The following SLC25A4 variants were observed in gnomAD, a reference collection of about 807,000 sequenced individuals.
The protein encoded by SLC25A4 is ADP/ATP translocase 1.
SLC25A4 carries 10 observed loss-of-function variants against 24.7 expected under a neutral mutation model. That is an observed-to-expected ratio of 0.41 (90% confidence interval 0.25 to 0.69). SLC25A4 has a LOEUF of 0.69. Among genes scored for constraint, SLC25A4 ranks in the 30% least tolerant of loss-of-function variants. The pLI is 0.35. For missense variants in SLC25A4, 273 were observed against 387.6 expected, an observed-to-expected ratio of 0.70 and a Z score of 2.48; for synonymous variants, 125 against 153.3, an observed-to-expected ratio of 0.82 and a Z score of 1.36.
At position 185,145,011 on chromosome 4, in the gene SLC25A4, G is replaced by A. The variant is rs746131481; in HGVS notation, c.359G>A (p.Gly120Asp). Residue 120 changes from glycine (G) to aspartate (D), a missense_variant, in exon 2 of 4, where the codon GGT (glycine) becomes GAT (aspartate). Gly to Asp is a moderately conservative substitution (Grantham distance 94). Transcript: ENST00000281456. This position sits in a 1 kb window ranked among gnomAD's most constrained non-coding sequence, Gnocchi z 5.5. ...WRYFAGNLAS[G>D]GAAGATSLCF... ...TACTTTGCTGGTAACCTGGCGTCCG[G>A]TGGGGCCGCTGGGGCCACCTCCCTT... The A allele has an allele frequency of 3.7e-6, 6 of 1,614,232 alleles. No individual in the cohort carries two copies. Among genetic ancestry groups the A allele is most frequent in the Non-Finnish European group, 5.1e-6 (6 of 1,180,042 alleles).
At position 185,143,433 on chromosome 4, in the gene SLC25A4, G is replaced by C; in HGVS notation, c.61G>C (p.Val21Leu). The stretch of plus-strand genomic sequence containing the variant: ...CCTGGCCGGGGGCGTCGCCGCTGCC[G>C]TCTCCAAGACCGCGGTCGCCCCCAT... ...DFLAGGVAAAVSKTAVAPIER... is the reference protein window; with the variant it reads ...DFLAGGVAAALSKTAVAPIER... The change falls in exon 1 of 4, where the codon GTC becomes CTC. Residue 21 changes from valine to leucine, a missense_variant. By Grantham distance (32) the Val-to-Leu change is conservative (BLOSUM62 1). Coordinates refer to ENST00000281456, the MANE Select transcript of SLC25A4 (RefSeq NM_001151.4). 6.6e-7 allele frequency: 1 copy of C among 1,519,104 alleles called. No homozygotes were observed. Among genetic ancestry groups the C allele is most frequent in the Non-Finnish European group, 8.8e-7 (1 of 1,130,638 alleles). The allele number at this position is 1,519,104 out of a possible 1,614,324, so 94.1% of individuals were successfully genotyped here.
At chr4:185,144,674 T>A in intron 1 of SLC25A4, 90 bp from the exon 2 acceptor site, 2 of 1,260,162 alleles carry the variant, frequency 1.6e-6, no homozygotes, top group Non-Finnish European at 2.3e-6. Context: ...AAAAAAAAAA[T>A]CTAGGAAGTG....
Position 185,144,981 on chromosome 4 carries a change from G to A in SLC25A4, c.329G>A (p.Trp110Ter). The A allele has an allele frequency of 6.2e-7, 1 of 1,613,150 alleles. No homozygotes were observed. The highest frequency in any genetic ancestry group is 8.5e-7 in the Non-Finnish European group (1 of 1,179,654). ...GGTGTGGATCGGCATAAGCAGTTCTGGCGCTACTTTGCTGGTAACCTGGCG... is the reference window on the plus strand; with the variant it reads ...GGTGTGGATCGGCATAAGCAGTTCTAGCGCTACTTTGCTGGTAACCTGGCG... ...LGGVDRHKQF[W>*]RYFAGNLASG... The change falls in exon 2 of 4, where the codon TGG becomes TAG. Residue 110 changes from tryptophan (W) to a stop codon, truncating the protein, a stop_gained. Coordinates refer to ENST00000281456, the MANE Select transcript of SLC25A4 (RefSeq NM_001151.4). LOFTEE classifies it high-confidence loss of function.
In SLC25A4 at chr4:185,145,992, A is replaced by G; in HGVS notation, c.739+93A>G. ...TTTCAGTCTTCCTTACTGGAAATTA[A>G]TTTTCAAAATTATTTGATAAGGACT... On this transcript the variant is annotated intron_variant, in intron 3 of 3. Transcript: ENST00000281456. The surrounding 1 kb of genome is among the most constrained non-coding windows in gnomAD (Gnocchi z 5.5). The G allele has an allele frequency of 1.4e-6, 2 of 1,445,804 alleles. No homozygotes were observed. Among genetic ancestry groups the G allele is most frequent in the Non-Finnish European group, 1.9e-6 (2 of 1,048,066 alleles). 89.6% of individuals were successfully genotyped at this position (1,445,804 alleles called of 1,614,324 possible).
chr4:185,146,208 AAAG>A (rs1456626610), intron 3 of SLC25A4, among the ~76,000 whole-genome samples: 2 of 152,152 alleles, frequency 1.3e-5, no homozygotes, highest in South Asian at 4.1e-4. Context: ...AAGCTAGGGA[AAAG>A]AAGTAGTTAG....
rs1156397206 is a variant in SLC25A4 at position 185,147,072 on chromosome 4, G to T, written c.*101G>T. On this transcript the variant is annotated 3_prime_UTR_variant, in exon 4 of 4. Coordinates refer to ENST00000281456, the MANE Select transcript of SLC25A4 (RefSeq NM_001151.4). ...AGACTATTCCTAGGGGAAGTAAAAAGATCTGGGATAAAACCAGACTGAAAG... is the reference window on the plus strand; with the variant it reads ...AGACTATTCCTAGGGGAAGTAAAAATATCTGGGATAAAACCAGACTGAAAG... 3.5e-6 allele frequency: 4 copies of T among 1,135,846 alleles called. No individual in the cohort carries two copies. Among genetic ancestry groups the T allele is most frequent in the Non-Finnish European group, 5.2e-6 (4 of 776,084 alleles). 70.4% of individuals were successfully genotyped at this position (1,135,846 alleles called of 1,614,324 possible).
Position 185,145,342 on chromosome 4 carries a change from T to G in SLC25A4, c.598+92T>G, listed in dbSNP as rs763946203. On this transcript the variant is annotated intron_variant, in intron 2 of 3. Transcript: ENST00000281456. This position sits in a 1 kb window ranked among gnomAD's most constrained non-coding sequence, Gnocchi z 5.5. ...ACAAAGGACCTGATATATATTGATCTTGTTTTTTCTAGTCTCTGGGATAAT... is the reference window on the plus strand; with the variant it reads ...ACAAAGGACCTGATATATATTGATCGTGTTTTTTCTAGTCTCTGGGATAAT... The G allele has an allele frequency of 1.3e-6, 2 of 1,583,910 alleles. No homozygotes were observed. The highest frequency in any genetic ancestry group is 1.7e-5 in the Admixed American group (1 of 59,264).
intron 1 of SLC25A4, among the ~76,000 whole-genome samples, chr4:185,144,529 C>T (rs1734402502): frequency 6.6e-6 from 1 of 152,070 alleles, no homozygotes; most frequent in Non-Finnish European, 1.5e-5. Context: ...TGGGGCAATA[C>T]CTTTTCCCTC....
rs1046193447 is a variant in SLC25A4 at position 185,149,359 on chromosome 4, G to A, written c.*2388G>A. ...GTCTTTAACCCTGGCATGGAATGGG[G>A]AGGGAAGAGGCATGGACATTTATTA... is the stretch of plus-strand genomic sequence containing the variant. On this transcript the variant is annotated 3_prime_UTR_variant, in exon 4 of 4. Coordinates refer to ENST00000281456, the MANE Select transcript of SLC25A4 (RefSeq NM_001151.4). 6.6e-6 allele frequency: 1 copy of A among 152,254 alleles called. No individual in the cohort carries two copies. Among genetic ancestry groups the A allele is most frequent in the African/African-American group, 2.4e-5 (1 of 41,460 alleles). 9.4% of individuals were successfully genotyped at this position (152,254 alleles called of 1,614,324 possible).
chr4:185,145,920 T>C lies in SLC25A4; in HGVS notation c.739+21T>C, dbSNP rs751133500. ...AGGGGGTAAGCTTGTGCTCTACTCA[T>C]CTAAACTTGTTTGGTTTTGCCCGAG... is the stretch of plus-strand genomic sequence containing the variant. On this transcript the variant is annotated intron_variant, in intron 3 of 3. Transcript: ENST00000281456. This position sits in a 1 kb window ranked among gnomAD's most constrained non-coding sequence, Gnocchi z 5.5. The C allele has an allele frequency of 2.5e-6, 4 of 1,613,908 alleles. No individual in the cohort carries two copies. Among genetic ancestry groups the C allele is most frequent in the African/African-American group, 2.7e-5 (2 of 74,944 alleles).
chr4:185,145,314 CTCACAAAGGACCTGATATA>C lies in SLC25A4; in HGVS notation c.598+66_598+84del. ...AAAGAGGATCCTATGGGATCTATAACTCACAAAGGACCTGATATATATTGATCTTGTTTTTTCTAGTCTC... is the reference window on the plus strand; with the variant it reads ...AAAGAGGATCCTATGGGATCTATAACTATTGATCTTGTTTTTTCTAGTCTC... On this transcript the variant is annotated intron_variant, in intron 2 of 3. Transcript: ENST00000281456. This position sits in a 1 kb window ranked among gnomAD's most constrained non-coding sequence, Gnocchi z 5.5. The C allele has an allele frequency of 6.2e-7, 1 of 1,608,414 alleles. No individual in the cohort carries two copies. The highest frequency in any genetic ancestry group is 8.5e-7 in the Non-Finnish European group (1 of 1,178,848).
rs1734376147 is a variant in SLC25A4 at position 185,143,286 on chromosome 4, G to T, written c.-87G>T. The T allele has an allele frequency of 2.8e-6, 2 of 712,406 alleles. No individual in the cohort carries two copies. The highest frequency in any genetic ancestry group is 1.6e-5 in the South Asian group (1 of 61,966). The allele number at this position is 712,406 out of a possible 1,614,324, so 44.1% of individuals were successfully genotyped here. On this transcript the variant is annotated 5_prime_UTR_variant, in exon 1 of 4. Coordinates refer to ENST00000281456, the MANE Select transcript of SLC25A4 (RefSeq NM_001151.4). ...GCGGCGGCCCCCTAGCGTCGCGCAG[G>T]GTCGGGGACTGCGCGGCGGTGCCAG...
Position 185,147,138 on chromosome 4 carries a change from CCA to C in SLC25A4, c.*172_*173del, listed in dbSNP as rs1486653877. 3.3e-6 allele frequency: 2 copies of C among 602,160 alleles called. No homozygotes were observed. The highest frequency in any genetic ancestry group is 2.8e-5 in the East Asian group (1 of 35,814). The allele number at this position is 602,160 out of a possible 1,614,324, so 37.3% of individuals were successfully genotyped here. The stretch of plus-strand genomic sequence containing the variant: ...GATGCTTCATTGAGTGTTCATTAAA[CCA>C]CACATGTATTTTGTATTTATTTTAC... On this transcript the variant is annotated 3_prime_UTR_variant, in exon 4 of 4. Coordinates refer to ENST00000281456, the MANE Select transcript of SLC25A4 (RefSeq NM_001151.4).
chr4:185,143,547 G>A (rs1305522141), intron 1 of SLC25A4, 64 bp downstream of exon 1: 3 of 605,712 alleles, frequency 5.0e-6, no homozygotes, highest in African/African-American at 2.0e-5. Flanking sequence ...CGCGCGATGC[G>A]GCGCGAGCTG....
intron 3 of SLC25A4, 147 bp from the exon 4 acceptor site, chr4:185,146,667 T>C (rs541231688): frequency 1.2e-6 from 1 of 826,518 alleles, no homozygotes; most frequent in African/African-American, 1.7e-5. Context: ...GAAGGAGATG[T>C]CCAGTGGGAT....
In SLC25A4 at chr4:185,148,072, TATTTCTC is replaced by T. The variant is rs1734475055; in HGVS notation, c.*1103_*1109del. On this transcript the variant is annotated 3_prime_UTR_variant, in exon 4 of 4. Coordinates refer to ENST00000281456, the MANE Select transcript of SLC25A4 (RefSeq NM_001151.4). Reference sequence around the variant, plus strand: ...TGATGGCTTATAAGCAACAGAAACTTATTTCTCAGTTCTGTAGTCTGGAGGTCCAAGA... The same window carrying T: ...TGATGGCTTATAAGCAACAGAAACTTAGTTCTGTAGTCTGGAGGTCCAAGA... 6.6e-6 allele frequency: 1 copy of T among 152,086 alleles called. No homozygotes were observed. The highest frequency in any genetic ancestry group is 2.1e-4 in the South Asian group (1 of 4,816). 9.4% of individuals were successfully genotyped at this position (152,086 alleles called of 1,614,324 possible). A position where few individuals can be genotyped will look rare whatever the true frequency, so the allele number is the denominator to read the frequency against.
chr4:185,149,532 A>G lies in SLC25A4; in HGVS notation c.*2561A>G, dbSNP rs1579212120. On this transcript the variant is annotated 3_prime_UTR_variant, in exon 4 of 4. Transcript: ENST00000281456. ...ACTTAACTCACCATGAATTCCTAGAACCCTCAGCCTCTGAGAGTGCTGGGA... is the reference window on the plus strand; with the variant it reads ...ACTTAACTCACCATGAATTCCTAGAGCCCTCAGCCTCTGAGAGTGCTGGGA... The G allele has an allele frequency of 6.6e-6, 1 of 152,090 alleles. No homozygotes were observed. Among genetic ancestry groups the G allele is most frequent in the African/African-American group, 2.4e-5 (1 of 41,382 alleles). 9.4% of individuals were successfully genotyped at this position (152,090 alleles called of 1,614,324 possible).
Position 185,145,231 on chromosome 4 carries a change from A to G in SLC25A4, c.579A>G (p.Gly193=), listed in dbSNP as rs1553967624. ...TTATCTATAGAGCTGCCTACTTCGG[A>G]GTCTATGATACTGCCAAGGGTGAGA... ...GIIIYRAAYF[G]VYDTAKGMLP... Residue 193 remains glycine (G), a synonymous_variant, in exon 2 of 4, where the codon GGA becomes GGG. Coordinates refer to ENST00000281456, the MANE Select transcript of SLC25A4 (RefSeq NM_001151.4). This position sits in a 1 kb window ranked among gnomAD's most constrained non-coding sequence, Gnocchi z 5.5. 6.2e-7 allele frequency: 1 copy of G among 1,614,034 alleles called. No individual in the cohort carries two copies.
Position 185,144,834 on chromosome 4 carries a change from T to A in SLC25A4, c.182T>A (p.Ile61Asn). 1 of 1,614,130 alleles carries A rather than the reference T, an allele frequency of 6.2e-7. No individual in the cohort carries two copies. The highest frequency in any genetic ancestry group is 8.5e-7 in the Non-Finnish European group (1 of 1,180,016). Residue 61 changes from isoleucine to asparagine, a missense_variant, in exon 2 of 4, where the codon ATC becomes AAC. Ile to Asn is a moderately radical substitution (Grantham distance 149). Transcript: ENST00000281456. Reference sequence around the variant, plus strand: ...GGGATCATTGATTGTGTGGTGAGAATCCCTAAGGAGCAGGGCTTCCTCTCC... The same window carrying A: ...GGGATCATTGATTGTGTGGTGAGAAACCCTAAGGAGCAGGGCTTCCTCTCC... ...YKGIIDCVVR[I>N]PKEQGFLSFW...
Sources: gnomAD v4.1 joint callset for allele counts (sites outside exome capture counted in the v4.1 genomes callset) on GRCh38, gnomAD v4.1.1 for gene constraint, Gnocchi (gnomAD v3.1) non-coding constraint, MANE v1.5 for transcripts, NCBI Gene and HGNC (gene_info 2026-07-23, HGNC 2026-07-21) for gene names.